Variants in RGS7 observed in about 807,000 individuals in gnomAD.
RGS7 encodes the protein regulator of G-protein signaling 7.
In RGS7, 27 loss-of-function variants were observed where a neutral mutation model predicts 81.1. The observed-to-expected ratio is 0.33, with a 90% confidence interval of 0.25 to 0.46. The LOEUF is 0.46. RGS7 is among the 20% of genes least tolerant of loss of function. The probability of loss-of-function intolerance (pLI) is 1.00; values close to 1 mark genes in which losing one functional copy is unlikely to be tolerated. For synonymous variants in RGS7, 208 were observed against 207.7 expected, an observed-to-expected ratio of 1.00 and a Z score of -0.01; for missense variants, 396 against 607.4, an observed-to-expected ratio of 0.65 and a Z score of 3.66.
intron 2 of RGS7, among the ~76,000 whole-genome samples, chr1:241,194,906 CT>C (rs2072951421): frequency 6.6e-6 from 1 of 152,126 alleles, no homozygotes; most frequent in African/African-American, 2.4e-5. Flanking sequence ...ATGAAAAATC[CT>C]TGGATAAAGA....
chr1:241,311,350 C>T (rs543877898), intron 2 of RGS7, among the ~76,000 whole-genome samples: 17 of 152,286 alleles, frequency 1.1e-4, no homozygotes, highest in Non-Finnish European at 1.6e-4. Flanking sequence ...CTAATAAAAA[C>T]GGCAGCACAG....
At position 240,892,224 on chromosome 1, in the gene RGS7, G is replaced by A. The variant is rs182850453; in HGVS notation, c.386-22105C>T. 7.9e-5 allele frequency among the ~76,000 whole-genome samples: 12 copies of A among 152,212 alleles called. No individual in the cohort carries two copies. In the East Asian group the frequency reaches 2.3e-3, roughly 29 times the overall value. On this transcript the variant is annotated intron_variant, in intron 6 of 18. Transcript: ENST00000440928. ...CTTGCATTCTCTTCTGAGGCCCCTA[G>A]TAATGACGTGTCCTTTTAGAATATG...
In RGS7 at chr1:240,919,771, T is replaced by C. The variant is rs566242113; in HGVS notation, c.385+10946A>G. The C allele has an allele frequency of 9.7e-5, 67 of 692,076 alleles. No individual in the cohort carries two copies. In the South Asian group the frequency reaches 1.0e-3, roughly 10 times the overall value. The allele number at this position is 692,076 out of a possible 1,614,324, so 42.9% of individuals were successfully genotyped here. ...CATTTTCAGCAATGGGGAATGCTCA[T>C]GGACTGTGTGGTAATGAGAGATTCA... On this transcript the variant is annotated intron_variant, in intron 6 of 18. Transcript: ENST00000440928.
intron 2 of RGS7, among the ~76,000 whole-genome samples, chr1:241,339,336 C>T (rs1055500961): frequency 6.6e-6 from 1 of 152,130 alleles, no homozygotes; most frequent in Admixed American, 6.5e-5. Context: ...GTGAATAGGC[C>T]TTGCATATAA....
chr1:241,189,639 A>G (rs941951794), intron 2 of RGS7, among the ~76,000 whole-genome samples: 19 of 152,146 alleles, frequency 1.2e-4, no homozygotes, highest in Admixed American at 5.2e-4. Flanking sequence ...TACACTTTTT[A>G]TAAAGTTTTA....
At chr1:241,032,972 T>C (rs1404570573) in intron 3 of RGS7, among the ~76,000 whole-genome samples, 1 of 152,068 alleles carries the variant, frequency 6.6e-6, no homozygotes, top group East Asian at 1.9e-4. Context: ...GCGTTTTATT[T>C]TTTTTCTCTT....
At chr1:240,804,623 C>T (rs1467681640) in intron 15 of RGS7, among the ~76,000 whole-genome samples, 1 of 152,060 alleles carries the variant, frequency 6.6e-6, no homozygotes, top group Non-Finnish European at 1.5e-5. Context: ...CTATTTTAAA[C>T]CTCAGGAAGG....
intron 4 of RGS7, among the ~76,000 whole-genome samples, chr1:240,960,631 G>C (rs1340868995): frequency 6.7e-6 from 1 of 148,186 alleles, no homozygotes; most frequent in Non-Finnish European, 1.5e-5. Context: ...AATGAAGCCT[G>C]AGATGAGACT....
chr1:240,862,042 C>T (rs1003569536), intron 9 of RGS7, among the ~76,000 whole-genome samples: 1 of 152,078 alleles, frequency 6.6e-6, no homozygotes, highest in Admixed American at 6.6e-5. Context: ...CTTTGTCATC[C>T]TACAATTTGG....
chr1:241,182,698 G>A (rs1457473538), intron 2 of RGS7, among the ~76,000 whole-genome samples: 2 of 148,956 alleles, frequency 1.3e-5, no homozygotes, highest in African/African-American at 2.5e-5. Flanking sequence ...CACCAGGCTG[G>A]AGTGCAGTGA....
At chr1:241,158,639 A>AT (rs1478654464) in intron 2 of RGS7, among the ~76,000 whole-genome samples, 2 of 152,210 alleles carry the variant, frequency 1.3e-5, no homozygotes, top group Admixed American at 6.5e-5. Context: ...GCCAGCAATG[A>AT]TAATACTTGT....
At chr1:240,984,501 T>A (rs375843116) in intron 3 of RGS7, among the ~76,000 whole-genome samples, 1 of 152,158 alleles carries the variant, frequency 6.6e-6, no homozygotes, top group East Asian at 1.9e-4. Flanking sequence ...ATGAATAGAA[T>A]GATGAAAATA....
intron 2 of RGS7, among the ~76,000 whole-genome samples, chr1:241,149,773 T>A (rs1446852425): frequency 1.3e-5 from 2 of 151,974 alleles, no homozygotes; most frequent in African/African-American, 4.8e-5. Flanking sequence ...GTGGTGGGCA[T>A]TTCTTTTATT....
At chr1:240,798,725 T>A (rs552412888) in intron 18 of RGS7, among the ~76,000 whole-genome samples, 18 of 152,260 alleles carry the variant, frequency 1.2e-4, no homozygotes, top group Non-Finnish European at 2.2e-4. Flanking sequence ...TTAGATAATA[T>A]TATAAAGCGC....
chr1:241,151,072 G>A (rs1414338928), intron 2 of RGS7, among the ~76,000 whole-genome samples: 1 of 152,138 alleles, frequency 6.6e-6, no homozygotes, highest in Non-Finnish European at 1.5e-5. Flanking sequence ...TTTGCACGGT[G>A]TCTGTCAACA....
intron 2 of RGS7, among the ~76,000 whole-genome samples, chr1:241,162,776 T>C (rs907202812): frequency 6.6e-6 from 1 of 152,126 alleles, no homozygotes; most frequent in African/African-American, 2.4e-5. Flanking sequence ...ATTATTCCCA[T>C]TTTACAGAAG....
At chr1:240,843,726 C>T (rs1658545901) in intron 9 of RGS7, among the ~76,000 whole-genome samples, 2 of 152,166 alleles carry the variant, frequency 1.3e-5, no homozygotes, top group African/African-American at 4.8e-5. Flanking sequence ...GATTTGCTAT[C>T]TTTTAAATTA....
chr1:240,885,329 G>C (rs774110437), intron 6 of RGS7, among the ~76,000 whole-genome samples: 3 of 152,072 alleles, frequency 2.0e-5, no homozygotes, highest in Non-Finnish European at 4.4e-5. Context: ...AACCATTGTG[G>C]AAAGCAGTAT....
rs541877636 is a variant in RGS7 at position 241,323,396 on chromosome 1, G to A, written c.78+32303C>T. Among the ~76,000 whole-genome samples, 5 of 152,352 alleles carry A rather than the reference G, an allele frequency of 3.3e-5. No homozygotes were observed. The East Asian group carries it at 5.8e-4, about 18-fold the overall frequency. On this transcript the variant is annotated intron_variant, in intron 2 of 18. Transcript: ENST00000440928. ...AGCGCCTGTGGAGGCCTAAGAGGAG[G>A]AGGCTTACAACTGCAGTCTTCTCCT...
Sources: allele counts gnomAD v4.1 joint callset (sites outside exome capture counted in the v4.1 genomes callset), GRCh38; gene constraint gnomAD v4.1.1; transcripts MANE v1.5; gene names NCBI Gene and HGNC (gene_info 2026-07-23, HGNC 2026-07-21).